FHIT: variants seen among roughly 807,000 people sequenced by gnomAD.
FHIT encodes bis(5'-adenosyl)-triphosphatase.
A neutral mutation model predicts 17.9 loss-of-function variants in FHIT; 19 were observed. The ratio of observed to expected loss-of-function variants is 1.06; its 90% confidence interval spans 0.74 to 1.56. The LOEUF is 1.56. Among genes scored for constraint, FHIT ranks in the 40% most tolerant of loss-of-function variants. The pLI, the probability that FHIT is intolerant of heterozygous loss-of-function variation, is 0.00. For missense variants in FHIT, 248 were observed against 189.2 expected (o/e 1.31, Z -1.82); for synonymous variants, 81 against 69.7 (o/e 1.16, Z -0.81).
At chr3:60,813,022 G>A (rs1240922228) in intron 4 of FHIT, among the ~76,000 whole-genome samples, 1 of 151,972 alleles carries the variant, frequency 6.6e-6, no homozygotes, top group Non-Finnish European at 1.5e-5. Context: ...CATTGTCATG[G>A]TATGGAGAAG....
chr3:59,964,146 A>C (rs752465633), intron 7 of FHIT, among the ~76,000 whole-genome samples: 13 of 152,206 alleles, frequency 8.5e-5, no homozygotes, highest in Non-Finnish European at 1.5e-4. Context: ...TAATAACTTT[A>C]AATTTTTGGT....
intron 8 of FHIT, among the ~76,000 whole-genome samples, chr3:59,868,402 A>G (rs1397488964): frequency 6.6e-6 from 1 of 152,226 alleles, no homozygotes; most frequent in African/African-American, 2.4e-5. Context: ...GGGAATGTGT[A>G]ATACAAGATA....
At chr3:60,206,149 A>AAATAATAATAATAATAATAATAATAAT (rs1041282613) in intron 5 of FHIT, among the ~76,000 whole-genome samples, 3 of 94,140 alleles carry the variant, frequency 3.2e-5, no homozygotes, top group African/African-American at 4.8e-5. Context: ...AAAAAAAAAT[A>AAATAATAATAATAATAATAATAATAAT]AATAATAATA....
intron 1 of FHIT, among the ~76,000 whole-genome samples, chr3:61,227,196 C>A (rs1372866704): frequency 1.3e-5 from 2 of 152,236 alleles, no homozygotes; most frequent in Non-Finnish European, 2.9e-5. Context: ...ACAAAGGCCT[C>A]AGGACACAGT....
chr3:60,493,657 G>GA (rs1024261326), intron 5 of FHIT, among the ~76,000 whole-genome samples: 6 of 151,902 alleles, frequency 3.9e-5, no homozygotes, highest in African/African-American at 1.5e-4. Context: ...TGGACATAAA[G>GA]AAAAAAATCT....
intron 5 of FHIT, among the ~76,000 whole-genome samples, chr3:60,421,351 C>T (rs903015338): frequency 6.6e-6 from 1 of 152,016 alleles, no homozygotes; most frequent in African/African-American, 2.4e-5. Flanking sequence ...CTCACAGACT[C>T]GCATGTTTAT....
intron 5 of FHIT, among the ~76,000 whole-genome samples, chr3:60,046,713 T>C (rs555279665): frequency 6.6e-6 from 1 of 152,294 alleles, no homozygotes; most frequent in East Asian, 1.9e-4. Context: ...TGTTTACAGA[T>C]AGTAGAAAAA....
At chr3:60,005,752 GA>G (rs1429869267) in intron 7 of FHIT, among the ~76,000 whole-genome samples, 3 of 152,192 alleles carry the variant, frequency 2.0e-5, no homozygotes, top group Non-Finnish European at 4.4e-5. Context: ...TGGCTGTAAT[GA>G]AAGGATAAAA....
At chr3:60,218,769 G>A (rs935991733) in intron 5 of FHIT, among the ~76,000 whole-genome samples, 1 of 151,962 alleles carries the variant, frequency 6.6e-6, no homozygotes, top group African/African-American at 2.4e-5. Flanking sequence ...TTAGCCCAAG[G>A]ATATGTAACT....
intron 5 of FHIT, among the ~76,000 whole-genome samples, chr3:60,337,948 C>G (rs1219269025): frequency 6.6e-6 from 1 of 152,192 alleles, no homozygotes; most frequent in Non-Finnish European, 1.5e-5. Context: ...ACATTACTAT[C>G]AAGCCTGGGC....
chr3:60,890,464 A>T (rs1388598662), intron 3 of FHIT, among the ~76,000 whole-genome samples: 2 of 152,218 alleles, frequency 1.3e-5, no homozygotes, highest in Non-Finnish European at 1.5e-5. Context: ...AACCTTGAAA[A>T]ATAATGAATC....
chr3:61,038,647 C>G (rs2033366906), intron 3 of FHIT, among the ~76,000 whole-genome samples: 1 of 152,100 alleles, frequency 6.6e-6, no homozygotes, highest in African/African-American at 2.4e-5. Context: ...ATATTTGTTA[C>G]AGCTGCATTC....
intron 5 of FHIT, among the ~76,000 whole-genome samples, chr3:60,096,479 C>T (rs548003591): frequency 1.4e-4 from 21 of 152,290 alleles, no homozygotes; most frequent in Middle Eastern, 6.8e-3. Flanking sequence ...CACTCTGGGT[C>T]GCAGGTTTCA....
At chr3:60,164,188 T>G (rs1275625528) in intron 5 of FHIT, among the ~76,000 whole-genome samples, 1 of 152,132 alleles carries the variant, frequency 6.6e-6, no homozygotes, top group Non-Finnish European at 1.5e-5. Flanking sequence ...TCAGGGGAAA[T>G]GAATCCCTGG....
At chr3:61,044,991 A>C (rs1370617150) in intron 2 of FHIT, among the ~76,000 whole-genome samples, 3 of 152,222 alleles carry the variant, frequency 2.0e-5, no homozygotes, top group Admixed American at 6.5e-5. Context: ...AGCACTAAAC[A>C]TGGAAAGGAA....
At chr3:60,904,937 T>A (rs1553764149) in intron 3 of FHIT, among the ~76,000 whole-genome samples, 5 of 132,428 alleles carry the variant, frequency 3.8e-5, no homozygotes, top group Admixed American at 7.6e-5. Context: ...AGACTTGGTC[T>A]AAAAAAAAAA....
chr3:60,628,424 TTC>T (rs1213999009), intron 4 of FHIT, among the ~76,000 whole-genome samples: 2 of 145,802 alleles, frequency 1.4e-5, no homozygotes, highest in Admixed American at 6.8e-5. Context: ...TTTTATCTCT[TTC>T]TCTGATATTT....
intron 5 of FHIT, among the ~76,000 whole-genome samples, chr3:60,406,110 A>G (rs927431333): frequency 7.9e-5 from 12 of 152,238 alleles, no homozygotes; most frequent in African/African-American, 2.9e-4. Context: ...TACTATGCTA[A>G]ACATCTTTTA....
intron 8 of FHIT, among the ~76,000 whole-genome samples, chr3:59,863,044 G>A (rs1448353996): frequency 6.6e-6 from 1 of 152,230 alleles, no homozygotes; most frequent in Non-Finnish European, 1.5e-5. Flanking sequence ...ATGGAAGCCA[G>A]GGGACAATGT....
Sources: allele counts gnomAD v4.1 joint callset (sites outside exome capture counted in the v4.1 genomes callset), GRCh38; gene constraint gnomAD v4.1.1; transcripts MANE v1.5; gene names NCBI Gene and HGNC (gene_info 2026-07-23, HGNC 2026-07-21).